Variants in CMPK2 observed in about 807,000 individuals in gnomAD.
CMPK2 encodes cytidine/uridine monophosphate kinase 2, also known as UMP-CMP kinase 2, mitochondrial.
Under a neutral mutation model 33.4 loss-of-function variants are expected in CMPK2, and 32 were observed. That is an observed-to-expected ratio of 0.96 (90% CI 0.72 to 1.29). CMPK2 has a LOEUF of 1.29. Among genes scored for constraint, CMPK2 ranks in the 50% most tolerant of loss-of-function variants. The pLI, the probability that CMPK2 is intolerant of heterozygous loss-of-function variation, is 0.00. For missense variants in CMPK2, 672 were observed against 616.0 expected (o/e 1.09, Z -0.96); for synonymous variants, 299 against 275.3 (o/e 1.09, Z -0.85).
At chr2:6,850,101 A>T in intron 4 of CMPK2, 128 bp from the exon 5 acceptor site, 1 of 653,458 alleles carries the variant, frequency 1.5e-6, no homozygotes, top group Non-Finnish European at 2.6e-6. Context: ...CACTGTAACT[A>T]GCTTTGCCCA....
intron 1 of CMPK2, 46 bp downstream of exon 1, chr2:6,864,975 AG>A: frequency 7.2e-7 from 1 of 1,387,616 alleles, no homozygotes; most frequent in Non-Finnish European, 9.4e-7. Flanking sequence ...TCTGGTCTGA[AG>A]GGTTCAGATG....
At chr2:6,846,663 G>A (rs1460259539), downstream of CMPK2, among the ~76,000 whole-genome samples, 2 of 152,174 alleles carry the variant, frequency 1.3e-5, no homozygotes, top group Admixed American at 6.5e-5. Context: ...GGGGACTGGA[G>A]TTAGTCCAAG....
chr2:6,850,842 A>G (rs1572134256), intron 4 of CMPK2: 10 of 988,048 alleles, frequency 1.0e-5, no homozygotes, highest in Admixed American at 1.2e-4. Context: ...ATTCATACTC[A>G]GTCATGAGGC....
Position 6,849,894 on chromosome 2 carries a change from G to T in CMPK2, c.1306C>A (p.Gln436Lys). 1 of 1,614,150 alleles carries T rather than the reference G, an allele frequency of 6.2e-7. No individual in the cohort carries two copies. The highest frequency in any genetic ancestry group is 8.5e-7 in the Non-Finnish European group (1 of 1,180,004). ...DASPSREKVL[Q>K]TVLSLIQNSF... ...TTCTGGATTAGGCTTAATACCGTCT[G>T]CAGGACCTTTTCTCTGGAGGGGCTG... is the stretch of plus-strand genomic sequence containing the variant. The change falls in exon 5 of 5, where the codon CAG (glutamine) becomes AAG (lysine). Residue 436 changes from glutamine to lysine, a missense_variant. Coordinates refer to ENST00000256722, the MANE Select transcript of CMPK2 (RefSeq NM_207315.4).
chr2:6,849,695 G>A lies in CMPK2; in HGVS notation c.*155C>T, dbSNP rs868509326. 2 of 1,503,392 alleles carry A rather than the reference G, an allele frequency of 1.3e-6. No homozygotes were observed. The highest frequency in any genetic ancestry group is 2.5e-4 in the Middle Eastern group (1 of 4,080). 93.1% of individuals were successfully genotyped at this position (1,503,392 alleles called of 1,614,324 possible). Reference sequence around the variant, plus strand: ...GGGTCCATCAGTCAGAAGAGGGTACGATGGCTGAAGTAAAATTAAGATGCC... The same window carrying A: ...GGGTCCATCAGTCAGAAGAGGGTACAATGGCTGAAGTAAAATTAAGATGCC... On this transcript the variant is annotated 3_prime_UTR_variant, in exon 5 of 5. Transcript: ENST00000256722.
intron 2 of CMPK2, among the ~76,000 whole-genome samples, chr2:6,862,889 C>T (rs184245654): frequency 3.9e-5 from 6 of 152,346 alleles, no homozygotes; most frequent in African/African-American, 1.4e-4. Flanking sequence ...CTCAGTGTGT[C>T]CTGGGCCACA....
rs1189653293 is a variant in CMPK2 at position 6,849,836 on chromosome 2, C to T, written c.*14G>A. ...ACATCTAATCTAGTTAGACGTGGCA[C>T]CTGGCCAGAGTAACTACGGTTCACT... is the stretch of plus-strand genomic sequence containing the variant. On this transcript the variant is annotated 3_prime_UTR_variant, in exon 5 of 5. Transcript: ENST00000256722. 6.2e-7 allele frequency: 1 copy of T among 1,613,526 alleles called. No individual in the cohort carries two copies. The highest frequency in any genetic ancestry group is 8.5e-7 in the Non-Finnish European group (1 of 1,179,820).
Position 6,865,528 on chromosome 2 carries a change from C to A in CMPK2, c.169G>T (p.Ala57Ser). ...LGADAPGDAD[A>S]PDPRLAALLG... ...AGCGCCGCCAGGCGGGGGTCGGGGG[C>A]GTCTGCGTCGCCGGGGGCGTCGGCG... is the stretch of plus-strand genomic sequence containing the variant. Residue 57 changes from alanine (A) to serine (S), a missense_variant, in exon 1 of 5, where the codon GCC becomes TCC. Physicochemically the swap from Ala to Ser is moderately conservative, Grantham distance 99. Coordinates refer to ENST00000256722, the MANE Select transcript of CMPK2 (RefSeq NM_207315.4). The A allele has an allele frequency of 1.5e-5, 19 of 1,293,430 alleles. No homozygotes were observed. The highest frequency in any genetic ancestry group is 1.9e-5 in the Non-Finnish European group (19 of 1,025,494). The allele number at this position is 1,293,430 out of a possible 1,614,324, so 80.1% of individuals were successfully genotyped here.
In CMPK2 at chr2:6,861,342, A is replaced by G. The variant is rs911543282; in HGVS notation, c.834T>C (p.Ala278=). 6.2e-7 allele frequency: 1 copy of G among 1,614,222 alleles called. No homozygotes were observed. The highest frequency in any genetic ancestry group is 8.5e-7 in the Non-Finnish European group (1 of 1,180,042). ...VTQSVADSLK[A]VLLKSPPSCI... ...AAGAGGGTGGTGACTTTAAGAGGAC[A>G]GCCTTAAGTGAATCTGCCACTGACT... Residue 278 remains alanine, a synonymous_variant, in exon 3 of 5, where the codon GCT becomes GCC. Transcript: ENST00000256722.
chr2:6,859,038 T>C (rs1674131400), intron 3 of CMPK2, among the ~76,000 whole-genome samples: 1 of 152,150 alleles, frequency 6.6e-6, no homozygotes, highest in Non-Finnish European at 1.5e-5. Flanking sequence ...ATGAGGAACT[T>C]GGTGAGAACT....
intron 4 of CMPK2, among the ~76,000 whole-genome samples, chr2:6,850,216 CATG>C: frequency 6.6e-6 from 1 of 152,270 alleles, no homozygotes; most frequent in Admixed American, 6.5e-5. Flanking sequence ...TAGCATTTTG[CATG>C]ATTTTTCTCA....
At position 6,861,275 on chromosome 2, in the gene CMPK2, T is replaced by C. The variant is rs199745894; in HGVS notation, c.901A>G (p.Ile301Val). ...WRKIFDDEPT[I>V]IRRAFYSLGN... is the part of the protein sequence containing the mutation. ...AAAGAGTAAAAAGCTCTTCTAATGA[T>C]AGTTGGTTCATCATCAAAGATCTTC... The change falls in exon 3 of 5, where the codon ATC (isoleucine) becomes GTC (valine). Residue 301 changes from isoleucine (I) to valine (V), a missense_variant. By Grantham distance (29) the Ile-to-Val change is conservative. Transcript: ENST00000256722. 5.4e-5 allele frequency: 87 copies of C among 1,613,944 alleles called. No homozygotes were observed. The highest frequency in any genetic ancestry group is 2.2e-5 in the East Asian group (1 of 44,884).
rs1663045916 is a variant in CMPK2, at chr2:6,865,463, G to C, written c.234C>G (p.Pro78=). Residue 78 remains proline, a synonymous_variant, in exon 1 of 5, where the codon CCC becomes CCG. Transcript: ENST00000256722. ...CCCCGCAGCCGGCGTCCGGGGTCAC[G>C]GGCACGCACAGCGAGTAGCTGCGCT... is the stretch of plus-strand genomic sequence containing the variant. The part of the protein sequence containing the change: ...PPERSYSLCV[P]VTPDAGCGAR... The C allele has an allele frequency of 2.4e-6, 3 of 1,273,698 alleles. No individual in the cohort carries two copies. Among genetic ancestry groups the C allele is most frequent in the South Asian group, 2.7e-5 (1 of 36,368 alleles). The allele number at this position is 1,273,698 out of a possible 1,614,324, so 78.9% of individuals were successfully genotyped here.
chr2:6,843,972 C>T (rs1267953147), downstream of CMPK2, among the ~76,000 whole-genome samples: 2 of 152,144 alleles, frequency 1.3e-5, no homozygotes, highest in African/African-American at 4.8e-5. Context: ...GCCCTAGGAC[C>T]CATTAGTCCT....
At chr2:6,859,800 A>G (rs1662819999) in intron 3 of CMPK2, among the ~76,000 whole-genome samples, 1 of 152,212 alleles carries the variant, frequency 6.6e-6, no homozygotes, top group African/African-American at 2.4e-5. Context: ...CAGAGTCCCT[A>G]CTGGGGCACT....
Position 6,849,299 on chromosome 2 carries a change from G to A in CMPK2, c.*551C>T, listed in dbSNP as rs935072918. On this transcript the variant is annotated 3_prime_UTR_variant, in exon 5 of 5. Transcript: ENST00000256722. ...CTTACCCAAAAATGGCTCTGCAGGA[G>A]TGTCCTTGGGCAGCCAGGACACATA... The A allele has an allele frequency of 6.1e-6, 6 of 985,392 alleles. No individual in the cohort carries two copies. The highest frequency in any genetic ancestry group is 1.7e-5 in the African/African-American group (1 of 57,224). The allele number at this position is 985,392 out of a possible 1,614,324, so 61.0% of individuals were successfully genotyped here.
chr2:6,857,200 A>C (rs533574761), intron 3 of CMPK2, among the ~76,000 whole-genome samples: 1 of 152,330 alleles, frequency 6.6e-6, no homozygotes, highest in South Asian at 2.1e-4. Context: ...TGGTGATTAT[A>C]ATCTTCTCAT....
At chr2:6,845,850 G>T (rs891504186), downstream of CMPK2, among the ~76,000 whole-genome samples, 1 of 152,186 alleles carries the variant, frequency 6.6e-6, no homozygotes, top group Non-Finnish European at 1.5e-5. Context: ...TGCAGAACAG[G>T]TGCCTCAAAT....
intron 3 of CMPK2, among the ~76,000 whole-genome samples, chr2:6,857,761 G>A (rs112135264): frequency 4.6e-4 from 69 of 149,264 alleles, no homozygotes; most frequent in African/African-American, 1.6e-3. Flanking sequence ...TCAGCCTCCC[G>A]AGTAGCTGGG....
Sources: gnomAD v4.1 joint callset for allele counts (sites outside exome capture counted in the v4.1 genomes callset) on GRCh38, gnomAD v4.1.1 for gene constraint, MANE v1.5 for transcripts, NCBI Gene and HGNC (gene_info 2026-07-23, HGNC 2026-07-21) for gene names.